Variants in FHIT observed in about 807,000 individuals in gnomAD.
FHIT encodes fragile histidine triad diadenosine triphosphatase.
FHIT carries 19 observed loss-of-function variants against 17.9 expected under a neutral mutation model. The ratio of observed to expected loss-of-function variants is 1.06; its 90% CI spans 0.74 to 1.56. FHIT has a LOEUF of 1.56. Among genes scored for constraint, FHIT ranks in the 40% most tolerant of loss-of-function variants. FHIT has a pLI of 0.00. For missense variants in FHIT, 248 were observed against 189.2 expected (o/e 1.31, Z -1.82); for synonymous variants, 81 against 69.7 (o/e 1.16, Z -0.81).
intron 4 of FHIT, among the ~76,000 whole-genome samples, chr3:60,736,736 T>C (rs2042140287): frequency 6.6e-6 from 1 of 152,218 alleles, no homozygotes; most frequent in Non-Finnish European, 1.5e-5. Flanking sequence ...CTCAACTTTG[T>C]ATTTATACTA....
chr3:60,289,269 T>C (rs947104744), intron 5 of FHIT, among the ~76,000 whole-genome samples: 12 of 152,220 alleles, frequency 7.9e-5, no homozygotes, highest in African/African-American at 2.7e-4. Context: ...ACTCATTTCA[T>C]TGGACATATA....
intron 5 of FHIT, among the ~76,000 whole-genome samples, chr3:60,173,918 T>TATATATATATATATATATATA (rs375142735): frequency 2.6e-4 from 12 of 46,832 alleles, no homozygotes; most frequent in African/African-American, 4.7e-4. Context: ...TATATATATG[T>TATATATATATATATATATATA]TTTTTTTTTT....
At chr3:60,786,163 C>T (rs1419765023) in intron 4 of FHIT, among the ~76,000 whole-genome samples, 11 of 152,184 alleles carry the variant, frequency 7.2e-5, no homozygotes, top group African/African-American at 1.9e-4. Context: ...AAGTCCCAGG[C>T]GTCCTTCTTC....
intron 4 of FHIT, among the ~76,000 whole-genome samples, chr3:60,627,154 G>T (rs782606440): frequency 6.6e-6 from 1 of 152,084 alleles, no homozygotes; most frequent in African/African-American, 2.4e-5. Flanking sequence ...CTTGCATTGT[G>T]ATGTCTGTCT....
intron 8 of FHIT, among the ~76,000 whole-genome samples, chr3:59,775,457 C>T (rs1248640734): frequency 6.6e-6 from 1 of 152,180 alleles, no homozygotes; most frequent in Admixed American, 6.5e-5. Context: ...TCAGTGGTCG[C>T]ACCACTCAAA....
intron 4 of FHIT, among the ~76,000 whole-genome samples, chr3:60,556,038 T>C (rs746633949): frequency 1.2e-4 from 18 of 152,340 alleles, no homozygotes; most frequent in Non-Finnish European, 2.5e-4. Flanking sequence ...TTGTCCTCCT[T>C]TTCACTTGTA....
chr3:60,715,517 A>G (rs1361789527), intron 4 of FHIT, among the ~76,000 whole-genome samples: 1 of 151,374 alleles, frequency 6.6e-6, no homozygotes, highest in Non-Finnish European at 1.5e-5. Context: ...AAACTATCAC[A>G]AGGACAAAAA....
At chr3:60,133,321 T>C (rs1699677617) in intron 5 of FHIT, among the ~76,000 whole-genome samples, 1 of 152,156 alleles carries the variant, frequency 6.6e-6, no homozygotes, top group Admixed American at 6.6e-5. Context: ...AATAAAATAC[T>C]GGAAACTGAG....
rs182409748 is a variant in FHIT, at chr3:60,897,934, T to C, written c.-110-75923A>G. On this transcript the variant is annotated intron_variant, in intron 3 of 9. Coordinates refer to ENST00000492590, the MANE Select transcript of FHIT (RefSeq NM_002012.4). Reference sequence around the variant, plus strand: ...CAATAGTATACTTTATTGTCTCTCATTGATGGGTACATTTTCTCTTATTAT... The same window carrying C: ...CAATAGTATACTTTATTGTCTCTCACTGATGGGTACATTTTCTCTTATTAT... Among the ~76,000 whole-genome samples, 126 of 152,328 alleles carry C rather than the reference T, an allele frequency of 8.3e-4. No homozygotes were observed. The Middle Eastern group carries it at 0.01, about 12-fold the overall frequency.
At chr3:60,796,159 C>T (rs570046612) in intron 4 of FHIT, among the ~76,000 whole-genome samples, 2 of 152,090 alleles carry the variant, frequency 1.3e-5, no homozygotes, top group African/African-American at 4.8e-5. Flanking sequence ...ATTACCTCCC[C>T]CTAGGTACCT....
chr3:59,753,540 T>C (rs1701035499), intron 8 of FHIT, among the ~76,000 whole-genome samples: 2 of 152,202 alleles, frequency 1.3e-5, no homozygotes. Context: ...TGTGGCTCTA[T>C]ACATTGTAAA....
intron 5 of FHIT, among the ~76,000 whole-genome samples, chr3:60,270,134 T>A (rs749743303): frequency 1.3e-5 from 2 of 152,212 alleles, no homozygotes; most frequent in Non-Finnish European, 2.9e-5. Flanking sequence ...GACAGCGAAG[T>A]CAGGTGACAG....
chr3:59,766,196 A>G (rs751752917), intron 8 of FHIT, among the ~76,000 whole-genome samples: 6 of 152,210 alleles, frequency 3.9e-5, no homozygotes, highest in Non-Finnish European at 8.8e-5. Context: ...CATTAACATC[A>G]TTAAACATAA....
chr3:61,075,194 T>C (rs1211591008), intron 2 of FHIT, among the ~76,000 whole-genome samples: 2 of 152,126 alleles, frequency 1.3e-5, no homozygotes, highest in Non-Finnish European at 2.9e-5. Flanking sequence ...CATCCAGACA[T>C]TCTCAGTGGG....
At chr3:60,537,070 A>G in intron 4 of FHIT, 91 bp from the exon 5 acceptor site, 1 of 1,021,120 alleles carries the variant, frequency 9.8e-7, no homozygotes, top group South Asian at 2.2e-5. Flanking sequence ...ATTACTACAG[A>G]TTCTTAGTTG....
chr3:60,639,539 T>C (rs557283102), intron 4 of FHIT, among the ~76,000 whole-genome samples: 1 of 152,272 alleles, frequency 6.6e-6, no homozygotes, highest in East Asian at 1.9e-4. Context: ...CTCAAAAGGC[T>C]TGAATTGTTA....
intron 4 of FHIT, among the ~76,000 whole-genome samples, chr3:60,655,351 G>C (rs1482515387): frequency 6.6e-6 from 1 of 152,104 alleles, no homozygotes; most frequent in East Asian, 1.9e-4. Flanking sequence ...ATTATAAAAA[G>C]CAAGTACATT....
intron 8 of FHIT, among the ~76,000 whole-genome samples, chr3:59,886,550 G>A (rs1031774404): frequency 1.3e-5 from 2 of 152,180 alleles, no homozygotes; most frequent in African/African-American, 4.8e-5. Context: ...GGGGGGCTGT[G>A]TGTGCAGAGA....
chr3:60,135,479 A>T (rs1255362450), intron 5 of FHIT, among the ~76,000 whole-genome samples: 1 of 152,152 alleles, frequency 6.6e-6, no homozygotes, highest in Non-Finnish European at 1.5e-5. Context: ...TTTAATCACA[A>T]AACTTTACTT....
Sources: gnomAD v4.1 joint callset for allele counts (sites outside exome capture counted in the v4.1 genomes callset) on GRCh38, gnomAD v4.1.1 for gene constraint, MANE v1.5 for transcripts, NCBI Gene and HGNC (gene_info 2026-07-23, HGNC 2026-07-21) for gene names.